ANTXR2: variants seen among roughly 807,000 people sequenced by gnomAD.
ANTXR2 encodes anthrax toxin receptor 2.
Under a neutral mutation model 73.7 loss-of-function variants are expected in ANTXR2, and 44 were observed. The observed-to-expected ratio is 0.60, with a 90% confidence interval of 0.47 to 0.77. The LOEUF (loss-of-function observed/expected upper bound fraction) is 0.77. ANTXR2 is among the 30% of genes least tolerant of loss of function. ANTXR2 has a pLI of 0.00. For missense variants in ANTXR2, 604 were observed against 592.5 expected (o/e 1.02, Z -0.20); for synonymous variants, 217 against 205.9 (o/e 1.05, Z -0.46).
chr4:80,015,435 T>C (rs1196917091), intron 11 of ANTXR2, among the ~76,000 whole-genome samples: 1 of 152,234 alleles, frequency 6.6e-6, no homozygotes, highest in Non-Finnish European at 1.5e-5. Context: ...AACTAAAGTT[T>C]TATGCCTATA....
chr4:79,929,392 A>T (rs1727970685), intron 16 of ANTXR2, among the ~76,000 whole-genome samples: 1 of 152,066 alleles, frequency 6.6e-6, no homozygotes, highest in Non-Finnish European at 1.5e-5. Context: ...AGATGCCTGT[A>T]ATCCCAGCTA....
At chr4:80,063,477 C>A (rs1237745525) in intron 3 of ANTXR2, among the ~76,000 whole-genome samples, 2 of 151,138 alleles carry the variant, frequency 1.3e-5, no homozygotes, top group Non-Finnish European at 2.9e-5. Flanking sequence ...TAAAATCAAA[C>A]CACATATATA....
chr4:80,000,005 T>C (rs1227917061), intron 12 of ANTXR2, among the ~76,000 whole-genome samples: 2 of 152,034 alleles, frequency 1.3e-5, no homozygotes, highest in Non-Finnish European at 2.9e-5. Context: ...AATATTTTTG[T>C]GGGCAGGGTA....
Position 79,902,768 on chromosome 4 carries a change from C to T in ANTXR2, c.*4661G>A, listed in dbSNP as rs1016178675. On this transcript the variant is annotated 3_prime_UTR_variant, in exon 17 of 17. Coordinates refer to ENST00000403729, the MANE Select transcript of ANTXR2 (RefSeq NM_058172.6). ...CTGACAGTTTACAGAACTAATATTACCACACACTACAGACAAAGAAGCCAG... is the reference window on the plus strand; with the variant it reads ...CTGACAGTTTACAGAACTAATATTATCACACACTACAGACAAAGAAGCCAG... The T allele has an allele frequency of 2.0e-5, 3 of 150,320 alleles. No individual in the cohort carries two copies. Among genetic ancestry groups the T allele is most frequent in the African/African-American group, 7.3e-5 (3 of 40,964 alleles). The allele number at this position is 150,320 out of a possible 1,614,324, so 9.3% of individuals were successfully genotyped here.
At chr4:79,931,338 G>A (rs1560874446) in intron 16 of ANTXR2, among the ~76,000 whole-genome samples, 1 of 152,140 alleles carries the variant, frequency 6.6e-6, no homozygotes, top group African/African-American at 2.4e-5. Flanking sequence ...CTTTATAAGG[G>A]TTTAAGTCAG....
intron 16 of ANTXR2, among the ~76,000 whole-genome samples, chr4:79,929,624 G>T (rs1727981551): frequency 6.6e-6 from 1 of 152,158 alleles, no homozygotes; most frequent in Non-Finnish European, 1.5e-5. Flanking sequence ...AAGATTCTCA[G>T]CTGAGATAGG....
At chr4:80,035,940 T>C in intron 8 of ANTXR2, 32 bp downstream of exon 8, 1 of 1,491,888 alleles carries the variant, frequency 6.7e-7, no homozygotes, top group Non-Finnish European at 9.0e-7. Flanking sequence ...ATACAATTTC[T>C]TACATGGTAT....
At chr4:80,061,131 A>T (rs183641598) in intron 3 of ANTXR2, among the ~76,000 whole-genome samples, 19 of 152,156 alleles carry the variant, frequency 1.2e-4, no homozygotes, top group Admixed American at 2.0e-4. Context: ...TTTCCAAGAA[A>T]ACAATAGAGG....
rs143997677 is a variant in ANTXR2, at chr4:79,929,114, C to T, written c.1429-21647G>A. ...TCAGTCGTTTAAGTTGGCCATAATA[C>T]GGGTCTCCCTGTCTATTGCCTACAA... On this transcript the variant is annotated intron_variant, in intron 16 of 16. Coordinates refer to ENST00000403729, the MANE Select transcript of ANTXR2 (RefSeq NM_058172.6). 3.9e-3 allele frequency among the ~76,000 whole-genome samples: 590 copies of T among 152,186 alleles called. 3 individuals carry two copies. The highest frequency in any genetic ancestry group is 0.013 in the African/African-American group (560 of 41,516).
intron 7 of ANTXR2, among the ~76,000 whole-genome samples, chr4:80,039,707 T>G (rs1441170509): frequency 6.6e-6 from 1 of 152,130 alleles, no homozygotes; most frequent in Non-Finnish European, 1.5e-5. Flanking sequence ...TTAGCCACTG[T>G]GGAAAGCAGT....
Position 80,071,582 on chromosome 4 carries a change from C to T in ANTXR2, c.224+1G>A. The T allele has an allele frequency of 6.2e-7, 1 of 1,608,688 alleles. No individual in the cohort carries two copies. The highest frequency in any genetic ancestry group is 8.5e-7 in the Non-Finnish European group (1 of 1,175,124). On this transcript the variant is annotated splice_donor_variant, in intron 2 of 16. Transcript: ENST00000403729. LOFTEE classifies it high-confidence loss of function. ...CTAGAAAAGTAAAGTAAGAAAGATACCTCACAAATCTCTCCGCAAGTTGCT... is the reference window on the plus strand; with the variant it reads ...CTAGAAAAGTAAAGTAAGAAAGATATCTCACAAATCTCTCCGCAAGTTGCT...
chr4:80,018,986 A>C lies in ANTXR2; in HGVS notation c.867-10T>G, dbSNP rs553095998. On this transcript the variant is annotated splice_polypyrimidine_tract_variant and intron_variant, in intron 10 of 16. Coordinates refer to ENST00000403729, the MANE Select transcript of ANTXR2 (RefSeq NM_058172.6). ...TGAAACATCAAGAGTTCTGAAAAAG[A>C]AAAGAAACAATAATTTTATATACAT... 12 of 1,455,066 alleles carry C rather than the reference A, an allele frequency of 8.2e-6. No individual in the cohort carries two copies. The highest frequency in any genetic ancestry group is 1.1e-5 in the Non-Finnish European group (12 of 1,101,084). The allele number at this position is 1,455,066 out of a possible 1,614,324, so 90.1% of individuals were successfully genotyped here.
At chr4:79,964,984 C>T (rs537660548) in intron 16 of ANTXR2, 1 of 152,328 alleles carries the variant, frequency 6.6e-6, no homozygotes, top group Non-Finnish European at 1.5e-5. Context: ...GAGCGGGAGA[C>T]TGCTCGCCCG....
At chr4:79,952,550 A>T (rs983443141) in intron 16 of ANTXR2, among the ~76,000 whole-genome samples, 1 of 151,928 alleles carries the variant, frequency 6.6e-6, no homozygotes, top group Non-Finnish European at 1.5e-5. Flanking sequence ...AAATGCTCCA[A>T]CATGCCAAAA....
At position 79,955,078 on chromosome 4, in the gene ANTXR2, C is replaced by G. The variant is rs529233186; in HGVS notation, c.1428+22543G>C. Among the ~76,000 whole-genome samples the G allele has an allele frequency of 9.3e-4, 141 of 152,042 alleles. 4 individuals carry two copies. The South Asian group carries it at 0.025, about 27-fold the overall frequency. On this transcript the variant is annotated intron_variant, in intron 16 of 16. Transcript: ENST00000403729. ...TTTAAATTATTTTACAGTTGTGACA[C>G]AAGACAGCAAAATACAGCATATCAA...
Position 79,907,473 on chromosome 4 carries a change from G to A in ANTXR2, c.1429-6C>T. The A allele has an allele frequency of 6.2e-7, 1 of 1,611,772 alleles. No individual in the cohort carries two copies. Among genetic ancestry groups the A allele is most frequent in the Non-Finnish European group, 8.5e-7 (1 of 1,178,606 alleles). ...GAGAAGTTTATGCACCGGCCCTGAA[G>A]AAAGAAATAAATCCATATTGAAATA... is the stretch of plus-strand genomic sequence containing the variant. On this transcript the variant is annotated splice_polypyrimidine_tract_variant and splice_region_variant and intron_variant, in intron 16 of 16. Coordinates refer to ENST00000403729, the MANE Select transcript of ANTXR2 (RefSeq NM_058172.6).
chr4:79,988,126 A>C (rs1176567589), intron 12 of ANTXR2, among the ~76,000 whole-genome samples: 1 of 150,952 alleles, frequency 6.6e-6, no homozygotes, highest in African/African-American at 2.4e-5. Context: ...CCTTGAAGAT[A>C]AATGGGCTAA....
Position 79,928,004 on chromosome 4 carries a change from T to C in ANTXR2, c.1429-20537A>G, listed in dbSNP as rs532021488. On this transcript the variant is annotated intron_variant, in intron 16 of 16. Coordinates refer to ENST00000403729, the MANE Select transcript of ANTXR2 (RefSeq NM_058172.6). The stretch of plus-strand genomic sequence containing the variant: ...TTACTACATGATCCAGTAATCCCAC[T>C]TCTGTGTATACACCTAAAAGAGCTG... Among the ~76,000 whole-genome samples, 6 of 152,302 alleles carry C rather than the reference T, an allele frequency of 3.9e-5. No individual in the cohort carries two copies. In the South Asian group the frequency reaches 1.2e-3, roughly 32 times the overall value.
rs757417075 is a variant in ANTXR2, at chr4:80,008,508, CCTT to C, written c.1041+10_1041+12del. 5 of 1,589,412 alleles carry C rather than the reference CCTT, an allele frequency of 3.1e-6. No individual in the cohort carries two copies. The Admixed American group carries it at 6.8e-5, about 22-fold the overall frequency. Reference sequence around the variant, plus strand: ...ATTTTTTTTAAGTAGAGTTGTAAATCCTTCTTACTCACCACTTTGCAGCAAAGG... The same window carrying C: ...ATTTTTTTTAAGTAGAGTTGTAAATCCTTACTCACCACTTTGCAGCAAAGG... On this transcript the variant is annotated intron_variant, in intron 12 of 16. Coordinates refer to ENST00000403729, the MANE Select transcript of ANTXR2 (RefSeq NM_058172.6).
Sources: allele counts gnomAD v4.1 joint callset (sites outside exome capture counted in the v4.1 genomes callset), GRCh38; gene constraint gnomAD v4.1.1; transcripts MANE v1.5; gene names NCBI Gene and HGNC (gene_info 2026-07-23, HGNC 2026-07-21).